SPINK2: variants seen among roughly 807,000 people sequenced by gnomAD.
SPINK2 encodes the protein serine protease inhibitor Kazal-type 2.
Under a neutral mutation model 13.5 loss-of-function variants are expected in SPINK2, and 8 were observed. The observed-to-expected ratio is 0.59, with a 90% CI of 0.35 to 1.07. The LOEUF is 1.07. Ranked by LOEUF, SPINK2 falls within the 50% of genes least tolerant of loss-of-function variation. The pLI, the probability that SPINK2 is intolerant of heterozygous loss-of-function variation, is 0.02. For synonymous variants in SPINK2, 76 were observed against 74.7 expected (o/e 1.02, Z -0.09); for missense variants, 148 against 180.3 (o/e 0.82, Z 1.03).
At chr4:56,810,303 C>A in intron 3 of SPINK2, 119 bp from the exon 4 acceptor site, 1 of 810,560 alleles carries the variant, frequency 1.2e-6, no homozygotes, top group Non-Finnish European at 1.9e-6. Context: ...CACAGCTACA[C>A]TTATTTAATC....
rs371236218 is a variant in SPINK2 at position 56,814,123 on chromosome 4, C to A, written c.250-2329G>T. On this transcript the variant is annotated intron_variant, in intron 2 of 3. Coordinates refer to ENST00000506738, the MANE Select transcript of SPINK2 (RefSeq NM_001271718.2). ...ATTTTTAGTAGAGACCGGCTTTCAC[C>A]ATGTTGGCCAGGATGGTCTCAAACT... Among the ~76,000 whole-genome samples, 369 of 151,618 alleles carry A rather than the reference C, an allele frequency of 2.4e-3. 1 individual carries two copies. Among genetic ancestry groups the A allele is most frequent in the African/African-American group, 8.7e-3 (360 of 41,326 alleles).
At chr4:56,821,383 A>G in intron 1 of SPINK2, 75 bp downstream of exon 1, 1 of 1,421,730 alleles carries the variant, frequency 7.0e-7, no homozygotes, top group Admixed American at 3.0e-5. Flanking sequence ...CTGGGAGCGA[A>G]GCCCAAGCAA....
Position 56,821,459 on chromosome 4 carries a change from T to G in SPINK2, c.204A>C (p.Pro68=). 1 of 1,519,336 alleles carries G rather than the reference T, an allele frequency of 6.6e-7. No individual in the cohort carries two copies. Among genetic ancestry groups the G allele is most frequent in the Non-Finnish European group, 8.8e-7 (1 of 1,138,766 alleles). 94.1% of individuals were successfully genotyped at this position (1,519,336 alleles called of 1,614,324 possible). ...AACCCCCAGTTCGCGTTCCTCCACC[T>G]GGCAGGTCCTCTGGGGAACCGCCAG... ...PVTGGSPEDL[P]ASLIPQFGLF... Residue 68 remains proline (P), a splice_region_variant and synonymous_variant, in exon 1 of 4, where the codon CCA becomes CCC. Transcript: ENST00000506738.
intron 2 of SPINK2, 41 bp from the exon 3 acceptor site, chr4:56,811,835 C>T: frequency 8.1e-7 from 1 of 1,237,568 alleles, no homozygotes. Flanking sequence ...TGACTTGAGA[C>T]ACACTCATAT....
intron 2 of SPINK2, 108 bp downstream of exon 2, chr4:56,820,428 C>T (rs1717836651): frequency 3.6e-6 from 3 of 828,050 alleles, no homozygotes; most frequent in Non-Finnish European, 4.1e-6. Flanking sequence ...AAACGCAGTC[C>T]TCAATGGTTT....
intron 2 of SPINK2, among the ~76,000 whole-genome samples, chr4:56,817,171 C>T (rs1377319848): frequency 2.6e-5 from 4 of 152,132 alleles, no homozygotes; most frequent in African/African-American, 9.7e-5. Flanking sequence ...CATTGCACTC[C>T]AGCCTGAGCG....
At chr4:56,811,842 A>G (rs374518837) in intron 2 of SPINK2, 48 bp from the exon 3 acceptor site, 3 of 1,125,562 alleles carry the variant, frequency 2.7e-6, no homozygotes, top group Non-Finnish European at 3.9e-6. Flanking sequence ...AGACACACTC[A>G]TATAAAATAG....
In SPINK2 at chr4:56,810,021, ATG is replaced by A. The variant is rs1716847371; in HGVS notation, c.*116_*117del. Reference sequence around the variant, plus strand: ...TGTCTTCCATACCTGCTCTCAGAAAATGTGTGTTAACAAATCTCATGTAAAGA... The same window carrying A: ...TGTCTTCCATACCTGCTCTCAGAAAATGTGTTAACAAATCTCATGTAAAGA... On this transcript the variant is annotated 3_prime_UTR_variant, in exon 4 of 4. Coordinates refer to ENST00000506738, the MANE Select transcript of SPINK2 (RefSeq NM_001271718.2). 1.3e-6 allele frequency: 2 copies of A among 1,525,664 alleles called. No individual in the cohort carries two copies. The highest frequency in any genetic ancestry group is 1.4e-5 in the African/African-American group (1 of 70,974). The allele number at this position is 1,525,664 out of a possible 1,614,324, so 94.5% of individuals were successfully genotyped here. A position where few individuals can be genotyped will look rare whatever the true frequency, so the allele number is the denominator to read the frequency against.
intron 2 of SPINK2, among the ~76,000 whole-genome samples, chr4:56,812,136 C>T (rs1483677748): frequency 6.6e-6 from 1 of 151,348 alleles, no homozygotes; most frequent in Admixed American, 6.6e-5. Context: ...CGTCATGATC[C>T]ACCCGCCTTG....
chr4:56,818,237 GCAGTGGAATA>G (rs779887527), intron 2 of SPINK2: 14 of 152,198 alleles, frequency 9.2e-5, no homozygotes, highest in Non-Finnish European at 1.3e-4. Flanking sequence ...GTCAAGCGAA[GCAGTGGAATA>G]GAAAAGGAAC....
At chr4:56,810,576 C>T (rs1014498916) in intron 3 of SPINK2, 8 of 189,042 alleles carry the variant, frequency 4.2e-5, no homozygotes, top group Non-Finnish European at 3.2e-5. Flanking sequence ...CAGTGGCTCA[C>T]GCCTGTAATC....
At chr4:56,810,962 T>C (rs543042072) in intron 3 of SPINK2, among the ~76,000 whole-genome samples, 3 of 151,004 alleles carry the variant, frequency 2.0e-5, no homozygotes, top group East Asian at 2.1e-4. Flanking sequence ...CATACACTCA[T>C]TACTTAGCAT....
At position 56,820,872 on chromosome 4, in the gene SPINK2, C is replaced by T. The variant is rs376380324; in HGVS notation, c.206-293G>A. ...CTTTAAACTGTCCCCATCCCACTTC[C>T]CCCAGAAAGGATATTCAGTTTTTTA... On this transcript the variant is annotated intron_variant, in intron 1 of 3. Transcript: ENST00000506738. Among the ~76,000 whole-genome samples the T allele has an allele frequency of 8.5e-5, 13 of 152,292 alleles. No homozygotes were observed. The East Asian group carries it at 1.7e-3, about 20-fold the overall frequency.
intron 2 of SPINK2, 41 bp downstream of exon 2, chr4:56,820,488 TGGGCTTC>T: frequency 6.6e-7 from 1 of 1,509,154 alleles, no homozygotes; most frequent in Non-Finnish European, 9.2e-7. Flanking sequence ...CAAACGGTTT[TGGGCTTC>T]ACTGTATTAG....
chr4:56,821,360 G>C, intron 1 of SPINK2, 98 bp downstream of exon 1: 3 of 1,403,854 alleles, frequency 2.1e-6, no homozygotes, highest in Non-Finnish European at 2.8e-6. Flanking sequence ...CTAGATGGCA[G>C]GTGTCCTTAG....
intron 2 of SPINK2, 61 bp downstream of exon 2, chr4:56,820,475 T>C: frequency 7.2e-7 from 1 of 1,396,510 alleles, no homozygotes. Flanking sequence ...CCAGCCTCCC[T>C]CCCAAACGGT....
intron 2 of SPINK2, among the ~76,000 whole-genome samples, chr4:56,819,872 C>T (rs1411429287): frequency 1.3e-5 from 2 of 152,122 alleles, no homozygotes; most frequent in Admixed American, 6.6e-5. Context: ...ACCTCGGCCT[C>T]CCAAAGCACT....
intron 2 of SPINK2, among the ~76,000 whole-genome samples, chr4:56,817,545 C>T (rs557608172): frequency 6.6e-6 from 1 of 152,244 alleles, no homozygotes; most frequent in South Asian, 2.1e-4. Flanking sequence ...CATTTTGAAA[C>T]TTACTATAAA....
In SPINK2 at chr4:56,821,672, G is replaced by T. The variant is rs1169674805; in HGVS notation, c.-10C>A. On this transcript the variant is annotated 5_prime_UTR_variant, in exon 1 of 4. Transcript: ENST00000506738. ...GCACCGACAGCGCCATCCTCCTCCC[G>T]CGCCGGCTGTCTTGCCCCTGCGGTC... The T allele has an allele frequency of 1.3e-6, 2 of 1,524,554 alleles. No individual in the cohort carries two copies. Among genetic ancestry groups the T allele is most frequent in the Non-Finnish European group, 1.8e-6 (2 of 1,138,192 alleles). The allele number at this position is 1,524,554 out of a possible 1,614,324, so 94.4% of individuals were successfully genotyped here.
Sources: gnomAD v4.1 joint callset for allele counts (sites outside exome capture counted in the v4.1 genomes callset) on GRCh38, gnomAD v4.1.1 for gene constraint, MANE v1.5 for transcripts, NCBI Gene and HGNC (gene_info 2026-07-23, HGNC 2026-07-21) for gene names.